The following KIAA1755 variants were observed in gnomAD, a reference collection of about 807,000 sequenced individuals.
KIAA1755 encodes the protein KIAA1755, also known as uncharacterized protein KIAA1755.
In KIAA1755, 68 loss-of-function variants were observed where a neutral mutation model predicts 91.7. The observed-to-expected ratio is 0.74, with a 90% CI of 0.61 to 0.91. The LOEUF (loss-of-function observed/expected upper bound fraction) is 0.91. KIAA1755 is among the 40% of genes least tolerant of loss of function. The probability of loss-of-function intolerance (pLI) is 0.00; values close to 1 mark genes in which losing one functional copy is unlikely to be tolerated. For missense variants in KIAA1755, 1,535 were observed against 1,494.4 expected (o/e 1.03, Z -0.45); for synonymous variants, 610 against 604.6 (o/e 1.01, Z -0.13).
At chr20:38,217,038 G>A (rs2075556441) in intron 13 of KIAA1755, 1 of 653,514 alleles carries the variant, frequency 1.5e-6, no homozygotes, top group Non-Finnish European at 2.8e-6. Flanking sequence ...GCCTCCGACT[G>A]TGTCTGGGTA....
chr20:38,220,027 C>G (rs6098563), intron 10 of KIAA1755, among the ~76,000 whole-genome samples: 1 of 152,240 alleles, frequency 6.6e-6, no homozygotes, highest in African/African-American at 2.4e-5. Context: ...CCGGACAGAT[C>G]TGGGTTCAAA....
intron 11 of KIAA1755, 73 bp downstream of exon 11, chr20:38,219,556 GC>G (rs1308642141): frequency 3.8e-6 from 6 of 1,576,232 alleles, no homozygotes; most frequent in Non-Finnish European, 4.3e-6. Flanking sequence ...CTAGGGACGG[GC>G]CCAGAGTCGG....
At chr20:38,225,913 C>T (rs536048028) in intron 7 of KIAA1755, 132 bp from the exon 8 acceptor site, 16 of 553,090 alleles carry the variant, frequency 2.9e-5, no homozygotes, top group Middle Eastern at 4.7e-4. Context: ...TTAAAAGTTG[C>T]TTTGCCAGCA....
chr20:38,240,438 C>A, intron 3 of KIAA1755, 144 bp downstream of exon 3: 1 of 738,514 alleles, frequency 1.4e-6, no homozygotes, highest in Non-Finnish European at 2.0e-6. Context: ...AGACTTCAAG[C>A]CCCTTAACAT....
At chr20:38,218,123 T>A (rs2075584509) in intron 12 of KIAA1755, 121 bp downstream of exon 12, 4 of 1,322,026 alleles carry the variant, frequency 3.0e-6, no homozygotes, top group Non-Finnish European at 4.2e-6. Context: ...GCTGGTTCCC[T>A]CACTGTCTCT....
In KIAA1755 at chr20:38,241,890, G is replaced by C. The variant is rs1464160430; in HGVS notation, c.241C>G (p.Pro81Ala). The C allele has an allele frequency of 1.9e-6, 3 of 1,613,712 alleles. No homozygotes were observed. The highest frequency in any genetic ancestry group is 1.7e-5 in the Admixed American group (1 of 60,022). Reference protein sequence around the residue: ...SHCLFLHEGWPLCLRDEVVVH... With the variant: ...SHCLFLHEGWALCLRDEVVVH... ...ACAACTTCATCCCTCAGACAGAGTG[G>C]CCAGCCCTCGTGTAAGAAGAGGCAG... Residue 81 changes from proline (P) to alanine (A), a missense_variant, in exon 3 of 14, where the codon CCA becomes GCA. By Grantham distance (27) the Pro-to-Ala change is conservative. Coordinates refer to ENST00000279024, the MANE Select transcript of KIAA1755 (RefSeq NM_001029864.2).
rs371867303 is a variant in KIAA1755 at position 38,216,253 on chromosome 20, G to A, written c.2901+1000C>T. On this transcript the variant is annotated intron_variant, in intron 13 of 13. Transcript: ENST00000279024. ...TTCCGCCTGTATCGTGCTCTTAACT[G>A]TACACAGCTGGAACTGGGGGAGCCC... 2.0e-5 allele frequency among the ~76,000 whole-genome samples: 3 copies of A among 152,308 alleles called. No individual in the cohort carries two copies. In the East Asian group the frequency reaches 5.8e-4, roughly 29 times the overall value.
In KIAA1755 at chr20:38,240,757, G is replaced by T. The variant is rs900499077; in HGVS notation, c.1374C>A (p.Ser458Arg). 1 of 1,587,278 alleles carries T rather than the reference G, an allele frequency of 6.3e-7. No homozygotes were observed. Among genetic ancestry groups the T allele is most frequent in the Admixed American group, 1.8e-5 (1 of 56,862 alleles). The change falls in exon 3 of 14, where the codon AGC becomes AGA. Residue 458 changes from serine to arginine, a missense_variant. Physicochemically the swap from Ser to Arg is moderately radical, Grantham distance 110 (BLOSUM62 -1). Coordinates refer to ENST00000279024, the MANE Select transcript of KIAA1755 (RefSeq NM_001029864.2). ...GGGGCTCAGGGGAGGAGGTGTTTCT[G>T]CTAGGGCAGGGCATGGGCTTGGGAA... is the stretch of plus-strand genomic sequence containing the variant. The part of the protein sequence containing the change: ...GRLPKPMPCP[S>R]RNTSSPEPPT...
At chr20:38,228,302 AGTGGAAGGTGAGGGAACCT>A in intron 5 of KIAA1755, 62 bp from the exon 6 acceptor site, 1 of 1,320,322 alleles carries the variant, frequency 7.6e-7, no homozygotes, top group Non-Finnish European at 1.0e-6. Context: ...GGCAGGACCT[AGTGGAAGGTGAGGGAACCT>A]GGCTGCTAGA....
intron 7 of KIAA1755, among the ~76,000 whole-genome samples, chr20:38,226,239 T>C (rs2123121528): frequency 6.6e-6 from 1 of 152,332 alleles, no homozygotes; most frequent in South Asian, 2.1e-4. Flanking sequence ...CAGTGTCCTC[T>C]AAGACATGGA....
chr20:38,250,494 G>GTGTGTGTGTGTC (rs1555830342), intron 1 of KIAA1755, among the ~76,000 whole-genome samples: 19 of 131,970 alleles, frequency 1.4e-4, no homozygotes, highest in Admixed American at 9.1e-4. Flanking sequence ...TATGGTGTGT[G>GTGTGTGTGTGTC]TGTGTGTGTG....
At chr20:38,217,607 A>G in intron 12 of KIAA1755, 133 bp from the exon 13 acceptor site, 1 of 638,352 alleles carries the variant, frequency 1.6e-6, no homozygotes, top group Non-Finnish European at 2.7e-6. Context: ...CATCTGTAGA[A>G]TGGGGACCCT....
chr20:38,254,447 A>G (rs146114027), intron 1 of KIAA1755, among the ~76,000 whole-genome samples: 110 of 152,190 alleles, frequency 7.2e-4, no homozygotes, highest in Admixed American at 2.0e-3. Flanking sequence ...GGCACTAAGC[A>G]TATCTATCTC....
chr20:38,240,496 T>C, intron 3 of KIAA1755, 86 bp downstream of exon 3: 2 of 1,356,814 alleles, frequency 1.5e-6, no homozygotes, highest in East Asian at 2.5e-5. Context: ...CCAGGTGGTC[T>C]CTATCACTTA....
At chr20:38,239,948 A>T (rs1461965907) in intron 3 of KIAA1755, among the ~76,000 whole-genome samples, 2 of 151,974 alleles carry the variant, frequency 1.3e-5, no homozygotes, top group African/African-American at 4.8e-5. Context: ...CCAGGCTGGA[A>T]TGCAGTGGCA....
chr20:38,229,805 T>C (rs1824212280), intron 5 of KIAA1755, among the ~76,000 whole-genome samples: 1 of 152,178 alleles, frequency 6.6e-6, no homozygotes, highest in African/African-American at 2.4e-5. Context: ...TATTTCCCTA[T>C]GGTTGCATAG....
rs61732323 is a variant in KIAA1755 at position 38,228,176 on chromosome 20, C to G, written c.1936G>C (p.Gly646Arg). 3 of 1,605,286 alleles carry G rather than the reference C, an allele frequency of 1.9e-6. No individual in the cohort carries two copies. The South Asian group carries it at 3.4e-5, about 18-fold the overall frequency. ...GTGGCCTGCAGGGCGCTGACCAGAC[C>G]GGGCTGTGGGGGCTGTCTCCTGGCG... Reference protein sequence around the residue: ...IDARRQPPQPGLVSALQATQA... With the variant: ...IDARRQPPQPRLVSALQATQA... The change falls in exon 6 of 14, where the codon GGT (glycine) becomes CGT (arginine). Residue 646 changes from glycine (G) to arginine (R), a missense_variant. Coordinates refer to ENST00000279024, the MANE Select transcript of KIAA1755 (RefSeq NM_001029864.2).
intron 1 of KIAA1755, among the ~76,000 whole-genome samples, chr20:38,259,376 G>A (rs1461320054): frequency 3.3e-5 from 5 of 152,082 alleles, no homozygotes; most frequent in African/African-American, 1.2e-4. Flanking sequence ...GAAGGCATGG[G>A]TGTATGAGAG....
intron 13 of KIAA1755, among the ~76,000 whole-genome samples, chr20:38,215,057 C>T (rs968063797): frequency 2.0e-5 from 3 of 152,230 alleles, no homozygotes; most frequent in Non-Finnish European, 4.4e-5. Context: ...GCTGCACACA[C>T]GCTCCCCACC....
Sources: allele counts gnomAD v4.1 joint callset (sites outside exome capture counted in the v4.1 genomes callset), GRCh38; gene constraint gnomAD v4.1.1; transcripts MANE v1.5; gene names NCBI Gene and HGNC (gene_info 2026-07-23, HGNC 2026-07-21).